PRKCB: variants seen among roughly 807,000 people sequenced by gnomAD.
The protein encoded by PRKCB is protein kinase C beta.
A neutral mutation model predicts 81.5 loss-of-function variants in PRKCB; 13 were observed. The observed-to-expected ratio is 0.16, with a 90% CI of 0.10 to 0.25. The LOEUF (loss-of-function observed/expected upper bound fraction) is 0.25. Ranked by LOEUF, PRKCB falls within the 10% of genes least tolerant of loss-of-function variation. The pLI is 1.00. For missense variants in PRKCB, 509 were observed against 875.7 expected (o/e 0.58, Z 5.29); for synonymous variants, 335 against 321.4 (o/e 1.04, Z -0.45).
intron 3 of PRKCB, among the ~76,000 whole-genome samples, chr16:24,022,011 G>A (rs1049827916): frequency 2.6e-5 from 4 of 152,172 alleles, no homozygotes; most frequent in Non-Finnish European, 5.9e-5. Flanking sequence ...CAGGCATGTG[G>A]AGATGGAGCC....
intron 13 of PRKCB, among the ~76,000 whole-genome samples, chr16:24,183,970 A>G (rs549704097): frequency 6.6e-6 from 1 of 152,198 alleles, no homozygotes; most frequent in South Asian, 2.1e-4. Flanking sequence ...CCAATTCTAC[A>G]TCTAGGAGTT....
At chr16:23,846,909 T>C (rs192216189) in intron 2 of PRKCB, among the ~76,000 whole-genome samples, 373 of 152,180 alleles carry the variant, frequency 2.5e-3, no homozygotes, top group Middle Eastern at 6.8e-3. Context: ...CCATGGTTGT[T>C]ATTACCTTTT....
intron 2 of PRKCB, among the ~76,000 whole-genome samples, chr16:23,907,840 C>T (rs1963585185): frequency 6.6e-6 from 1 of 152,324 alleles, no homozygotes; most frequent in African/African-American, 2.4e-5. Flanking sequence ...CTAGCCATTC[C>T]CCCTGCTAAC....
intron 8 of PRKCB, among the ~76,000 whole-genome samples, chr16:24,121,949 C>T (rs1966803178): frequency 6.6e-6 from 1 of 152,180 alleles, no homozygotes; most frequent in Non-Finnish European, 1.5e-5. Flanking sequence ...CCATACTCCT[C>T]TAGGTACCAG....
At chr16:24,202,718 C>T (rs1441650085) in intron 16 of PRKCB, among the ~76,000 whole-genome samples, 1 of 152,190 alleles carries the variant, frequency 6.6e-6, no homozygotes, top group African/African-American at 2.4e-5. Flanking sequence ...CTGTATCTTG[C>T]ATTATTCCCC....
intron 5 of PRKCB, among the ~76,000 whole-genome samples, chr16:24,075,670 G>A (rs920090630): frequency 2.0e-5 from 3 of 152,218 alleles, no homozygotes; most frequent in Non-Finnish European, 4.4e-5. Flanking sequence ...GAACAACGAG[G>A]TTGCAAATGG....
chr16:24,154,688 T>C lies in PRKCB; in HGVS notation c.1070T>C (p.Met357Thr). 6.2e-7 allele frequency: 1 copy of C among 1,614,172 alleles called. No individual in the cohort carries two copies. Among genetic ancestry groups the C allele is most frequent in the Non-Finnish European group, 8.5e-7 (1 of 1,179,986 alleles). The change falls in exon 10 of 17, where the codon ATG (methionine) becomes ACG (threonine). Residue 357 changes from methionine to threonine, a missense_variant. Met to Thr is a moderately conservative substitution (Grantham distance 81). Coordinates refer to ENST00000643927, the MANE Select transcript of PRKCB (RefSeq NM_002738.7). ...CATGCTTGCTCTCTTTCCCAGGTCATGCTTTCAGAACGAAAAGGCACAGAT... is the reference window on the plus strand; with the variant it reads ...CATGCTTGCTCTCTTTCCCAGGTCACGCTTTCAGAACGAAAAGGCACAGAT... ...VLGKGSFGKV[M>T]LSERKGTDEL...
At chr16:23,907,007 A>C (rs1280731117) in intron 2 of PRKCB, among the ~76,000 whole-genome samples, 1 of 152,096 alleles carries the variant, frequency 6.6e-6, no homozygotes, top group Non-Finnish European at 1.5e-5. Context: ...GGTGGGGGAA[A>C]GTGAGTGTCC....
intron 10 of PRKCB, among the ~76,000 whole-genome samples, chr16:24,161,668 G>A (rs1334947240): frequency 1.3e-5 from 2 of 152,172 alleles, no homozygotes; most frequent in African/African-American, 4.8e-5. Context: ...CCACAGTCAG[G>A]TGAATCTGGA....
At chr16:24,037,676 G>T (rs1965641449) in intron 5 of PRKCB, among the ~76,000 whole-genome samples, 1 of 151,974 alleles carries the variant, frequency 6.6e-6, no homozygotes, top group African/African-American at 2.4e-5. Flanking sequence ...TTCTGATGTG[G>T]TACAGTACAA....
chr16:24,021,032 C>CTTTATTTATTTATTTA (rs1401984747), intron 3 of PRKCB, among the ~76,000 whole-genome samples: 2 of 139,386 alleles, frequency 1.4e-5, no homozygotes, highest in African/African-American at 5.6e-5. Context: ...TTCTTTCTTT[C>CTTTATTTATTTATTTA]TTTCTTTCTC....
intron 16 of PRKCB, among the ~76,000 whole-genome samples, chr16:24,195,401 G>A (rs1967863979): frequency 6.6e-6 from 1 of 152,046 alleles, no homozygotes; most frequent in African/African-American, 2.4e-5. Flanking sequence ...TGCCTTGTGG[G>A]ATGTGAAAAG....
At position 24,218,203 on chromosome 16, in the gene PRKCB, T is replaced by C. The variant is rs1968261806; in HGVS notation, c.*3387T>C. 1 of 985,162 alleles carries C rather than the reference T, an allele frequency of 1.0e-6. No homozygotes were observed. Among genetic ancestry groups the C allele is most frequent in the South Asian group, 4.7e-5 (1 of 21,282 alleles). 61.0% of individuals were successfully genotyped at this position (985,162 alleles called of 1,614,324 possible). ...TAAACAAGACAATTTCTGAAAGCAATAAGTGCAATCAAGATAATTAAAGGA... is the reference window on the plus strand; with the variant it reads ...TAAACAAGACAATTTCTGAAAGCAACAAGTGCAATCAAGATAATTAAAGGA... On this transcript the variant is annotated 3_prime_UTR_variant, in exon 17 of 17. Coordinates refer to ENST00000643927, the MANE Select transcript of PRKCB (RefSeq NM_002738.7).
chr16:24,094,125 A>G, intron 6 of PRKCB, 38 bp from the exon 7 acceptor site: 4 of 1,597,698 alleles, frequency 2.5e-6, no homozygotes, highest in Non-Finnish European at 3.4e-6. Context: ...AGAAATTACT[A>G]CAACCTCCAC....
chr16:23,999,777 T>A (rs1423546433), intron 3 of PRKCB, among the ~76,000 whole-genome samples: 1 of 152,206 alleles, frequency 6.6e-6, no homozygotes, highest in African/African-American at 2.4e-5. Flanking sequence ...ACAGAGGAGT[T>A]GTCTCTGAGG....
chr16:24,001,364 A>G (rs1210559427), intron 3 of PRKCB, among the ~76,000 whole-genome samples: 2 of 152,224 alleles, frequency 1.3e-5, no homozygotes, highest in African/African-American at 2.4e-5. Context: ...AATCAGGTCA[A>G]TTAGAGATGG....
At chr16:24,082,012 G>T (rs1440810795) in intron 5 of PRKCB, among the ~76,000 whole-genome samples, 3 of 152,136 alleles carry the variant, frequency 2.0e-5, no homozygotes, top group Admixed American at 1.3e-4. Flanking sequence ...GAAATAATGA[G>T]TGAGTTTAGC....
In PRKCB at chr16:24,215,890, C is replaced by T; in HGVS notation, c.*1074C>T. 1.0e-6 allele frequency: 1 copy of T among 985,084 alleles called. No individual in the cohort carries two copies. Among genetic ancestry groups the T allele is most frequent in the Non-Finnish European group, 1.2e-6 (1 of 829,872 alleles). 61.0% of individuals were successfully genotyped at this position (985,084 alleles called of 1,614,324 possible). ...TCTTGAAACAAAGATGGTTGTATTC[C>T]TCACTTTGATGTTGTTTTGCAAGAT... On this transcript the variant is annotated 3_prime_UTR_variant, in exon 17 of 17. Transcript: ENST00000643927.
At chr16:24,025,569 T>C (rs1228323291) in intron 3 of PRKCB, among the ~76,000 whole-genome samples, 5 of 152,140 alleles carry the variant, frequency 3.3e-5, no homozygotes, top group African/African-American at 9.7e-5. Flanking sequence ...TGCAGTGAAG[T>C]GTGGAAGAGA....
Sources: gnomAD v4.1 joint callset for allele counts (sites outside exome capture counted in the v4.1 genomes callset) on GRCh38, gnomAD v4.1.1 for gene constraint, MANE v1.5 for transcripts, NCBI Gene and HGNC (gene_info 2026-07-23, HGNC 2026-07-21) for gene names.